DNAJC9: variants seen among roughly 807,000 people sequenced by gnomAD.
The protein encoded by DNAJC9 is dnaJ homolog subfamily C member 9.
DNAJC9 carries 18 observed loss-of-function variants against 32.4 expected under a neutral mutation model. The observed-to-expected ratio is 0.56, with a 90% CI of 0.38 to 0.82. The LOEUF is 0.82. DNAJC9 is among the 40% of genes least tolerant of loss of function. The pLI, the probability that DNAJC9 is intolerant of heterozygous loss-of-function variation, is 0.00. For missense variants in DNAJC9, 310 were observed against 321.8 expected (o/e 0.96, Z 0.28); for synonymous variants, 113 against 122.1 (o/e 0.93, Z 0.49).
At chr10:73,245,567 C>T (rs1431360529) in intron 3 of DNAJC9, among the ~76,000 whole-genome samples, 1 of 152,216 alleles carries the variant, frequency 6.6e-6, no homozygotes, top group Non-Finnish European at 1.5e-5. Context: ...TTCTTACCCC[C>T]TCAACCGAGT....
intron 1 of DNAJC9, 77 bp from the exon 2 acceptor site, chr10:73,246,905 G>C: frequency 6.2e-7 from 1 of 1,602,078 alleles, no homozygotes; most frequent in Non-Finnish European, 8.5e-7. Flanking sequence ...AGATCAGAAG[G>C]CGCCAAGCGG....
At chr10:73,234,873 A>C, downstream of DNAJC9, 1 of 1,551,810 alleles carries the variant, frequency 6.4e-7, no homozygotes. Context: ...AGTCGAAATA[A>C]TCTGCTACCA....
At position 73,243,235 on chromosome 10, in the gene DNAJC9, A is replaced by C. The variant is rs1265307522; in HGVS notation, c.*165T>G. 1.4e-6 allele frequency: 1 copy of C among 695,528 alleles called. No individual in the cohort carries two copies. The highest frequency in any genetic ancestry group is 1.8e-5 in the African/African-American group (1 of 55,622). 43.1% of individuals were successfully genotyped at this position (695,528 alleles called of 1,614,324 possible). A position where few individuals can be genotyped will look rare whatever the true frequency, so the allele number is the denominator to read the frequency against. ...GTCAAGTGCTTTCTAGGAAATACTA[A>C]GATCAGGTTGAGAGATTCTGCTTGG... On this transcript the variant is annotated 3_prime_UTR_variant, in exon 5 of 5. Transcript: ENST00000372950.
chr10:73,234,040 G>C (rs375034289), downstream of DNAJC9: 12 of 152,226 alleles, frequency 7.9e-5, no homozygotes, highest in East Asian at 1.7e-3. Context: ...AAATACCTAG[G>C]AGCCAATTTT....
Position 73,245,101 on chromosome 10 carries a change from T to C in DNAJC9, c.576+821A>G, listed in dbSNP as rs1238826009. 2.6e-5 allele frequency among the ~76,000 whole-genome samples: 4 copies of C among 151,250 alleles called. 1 individual carries two copies. The highest frequency in any genetic ancestry group is 4.9e-5 in the African/African-American group (2 of 40,930). Reference sequence around the variant, plus strand: ...ATGTAGCCTATGAACCAAAATGGTCTTGATATACACTCCACCGTTCCCCTC... The same window carrying C: ...ATGTAGCCTATGAACCAAAATGGTCCTGATATACACTCCACCGTTCCCCTC... On this transcript the variant is annotated intron_variant, in intron 3 of 4. Transcript: ENST00000372950.
At chr10:73,240,079 A>G (rs1054969474), downstream of DNAJC9, among the ~76,000 whole-genome samples, 1 of 152,134 alleles carries the variant, frequency 6.6e-6, no homozygotes, top group Non-Finnish European at 1.5e-5. Context: ...CAGTGCCACC[A>G]TGCCCAGGTA....
At chr10:73,238,174 G>A (rs565942120), downstream of DNAJC9, among the ~76,000 whole-genome samples, 19 of 152,030 alleles carry the variant, frequency 1.2e-4, no homozygotes, top group South Asian at 1.0e-3. Flanking sequence ...GGTGAAACCC[G>A]TTTCTATTAA....
downstream of DNAJC9, among the ~76,000 whole-genome samples, chr10:73,236,468 T>TA (rs1564717953): frequency 1.3e-5 from 2 of 149,842 alleles, no homozygotes; most frequent in African/African-American, 4.9e-5. Flanking sequence ...GGGTGGAGTG[T>TA]AATGGCGCAA....
chr10:73,236,133 GT>G (rs2043815053), downstream of DNAJC9, among the ~76,000 whole-genome samples: 1 of 152,134 alleles, frequency 6.6e-6, no homozygotes, highest in Admixed American at 6.6e-5. Context: ...GCACTGCAAA[GT>G]TTTTCTTCTA....
downstream of DNAJC9, chr10:73,238,656 G>C (rs2043877195): frequency 6.6e-6 from 1 of 152,178 alleles, no homozygotes. Flanking sequence ...GCTGACCCCT[G>C]ATCTCTAAAA....
downstream of DNAJC9, among the ~76,000 whole-genome samples, chr10:73,236,339 C>T (rs145709275): frequency 2.8e-4 from 42 of 151,874 alleles, no homozygotes; most frequent in African/African-American, 9.2e-4. Context: ...CTTTTTGTCT[C>T]TTCCTGGATT....
At chr10:73,234,604 C>T (rs151119484), downstream of DNAJC9, 3 of 535,824 alleles carry the variant, frequency 5.6e-6, no homozygotes, top group Admixed American at 3.3e-5. Context: ...GTTGTGTACC[C>T]AGAGTATAGA....
Position 73,247,247 on chromosome 10 carries a change from C to T in DNAJC9, c.-58G>A, listed in dbSNP as rs890932571. On this transcript the variant is annotated 5_prime_UTR_variant, in exon 1 of 5. Transcript: ENST00000372950. Reference sequence around the variant, plus strand: ...CCGCTCCCAGCTGCGCCGGGTACAACCCAGGACTGCTTCTTTTTCGCGCCC... The same window carrying T: ...CCGCTCCCAGCTGCGCCGGGTACAATCCAGGACTGCTTCTTTTTCGCGCCC... 5 of 1,545,532 alleles carry T rather than the reference C, an allele frequency of 3.2e-6. No homozygotes were observed. In the African/African-American group the frequency reaches 4.1e-5, roughly 13 times the overall value.
Position 73,247,126 on chromosome 10 carries a change from C to G in DNAJC9, c.64G>C (p.Val22Leu). Residue 22 changes from valine to leucine, a missense_variant, in exon 1 of 5, where the codon GTG becomes CTG. Coordinates refer to ENST00000372950, the MANE Select transcript of DNAJC9 (RefSeq NM_015190.5). Reference protein sequence around the residue: ...GTADLYRVLGVRREASDGEVR... With the variant: ...GTADLYRVLGLRREASDGEVR... ...TCGCCGTCGGAGGCCTCGCGTCGCA[C>G]GCCCAGCACCCGGTAAAGGTCGGCG... 7 of 1,595,902 alleles carry G rather than the reference C, an allele frequency of 4.4e-6. No homozygotes were observed. The highest frequency in any genetic ancestry group is 6.0e-6 in the Non-Finnish European group (7 of 1,172,116).
chr10:73,244,217 C>T (rs527789421), intron 3 of DNAJC9: 45 of 356,020 alleles, frequency 1.3e-4, no homozygotes, highest in African/African-American at 6.1e-4. Context: ...AACATGAGGC[C>T]GGGTATGGTG....
chr10:73,243,752 A>C lies in DNAJC9; in HGVS notation c.663+91T>G, dbSNP rs1243921921. ...AATAGAAGGTATGCGGTTATGTCTT[A>C]AAAGAAGAAAACAAAATACAACATT... On this transcript the variant is annotated intron_variant, in intron 4 of 4. Transcript: ENST00000372950. 4.6e-6 allele frequency: 6 copies of C among 1,308,894 alleles called. No individual in the cohort carries two copies. The African/African-American group carries it at 5.9e-5, about 13-fold the overall frequency. The allele number at this position is 1,308,894 out of a possible 1,614,324, so 81.1% of individuals were successfully genotyped here.
chr10:73,243,243 T>C lies in DNAJC9; in HGVS notation c.*157A>G, dbSNP rs1467432469. On this transcript the variant is annotated 3_prime_UTR_variant, in exon 5 of 5. Transcript: ENST00000372950. ...CTTTCTAGGAAATACTAAGATCAGGTTGAGAGATTCTGCTTGGTCTAGTCA... is the reference window on the plus strand; with the variant it reads ...CTTTCTAGGAAATACTAAGATCAGGCTGAGAGATTCTGCTTGGTCTAGTCA... 2.7e-6 allele frequency: 2 copies of C among 735,546 alleles called. No homozygotes were observed. The highest frequency in any genetic ancestry group is 3.5e-5 in the South Asian group (2 of 57,020). 45.6% of individuals were successfully genotyped at this position (735,546 alleles called of 1,614,324 possible).
At chr10:73,238,339 G>C (rs2043868919), downstream of DNAJC9, among the ~76,000 whole-genome samples, 1 of 152,134 alleles carries the variant, frequency 6.6e-6, no homozygotes, top group African/African-American at 2.4e-5. Flanking sequence ...AGAGCGAGAA[G>C]ACTCTGTCCC....
downstream of DNAJC9, chr10:73,234,960 C>G: frequency 6.4e-7 from 1 of 1,551,116 alleles, no homozygotes; most frequent in Non-Finnish European, 8.7e-7. Context: ...TTTCATATTG[C>G]CTCTCCATGT....
Sources: gnomAD v4.1 joint callset for allele counts (sites outside exome capture counted in the v4.1 genomes callset) on GRCh38, gnomAD v4.1.1 for gene constraint, MANE v1.5 for transcripts, NCBI Gene and HGNC (gene_info 2026-07-23, HGNC 2026-07-21) for gene names.